The following RIMS1 variants were observed in gnomAD, a reference collection of about 807,000 sequenced individuals.
The protein encoded by RIMS1 is regulating synaptic membrane exocytosis 1.
Under a neutral mutation model 214.1 loss-of-function variants are expected in RIMS1, and 83 were observed. That is an observed-to-expected ratio of 0.39 (90% CI 0.32 to 0.47). The LOEUF (loss-of-function observed/expected upper bound fraction) is 0.47. Ranked by LOEUF, RIMS1 falls within the 20% of genes least tolerant of loss-of-function variation. The probability of loss-of-function intolerance (pLI) is 0.99; values close to 1 mark genes in which losing one functional copy is unlikely to be tolerated. For synonymous variants in RIMS1, 793 were observed against 786.8 expected, an observed-to-expected ratio of 1.01 and a Z score of -0.13; for missense variants, 2,050 against 2,161.8, an observed-to-expected ratio of 0.95 and a Z score of 1.03.
rs866352233 is a variant in RIMS1 at position 72,356,846 on chromosome 6, A to C, written c.4366+23011A>C. Among the ~76,000 whole-genome samples, 61 of 152,230 alleles carry C rather than the reference A, an allele frequency of 4.0e-4. 1 individual carries two copies. Among genetic ancestry groups the C allele is most frequent in the African/African-American group, 1.4e-3 (59 of 41,548 alleles). ...CATATACTAATGTTTACTATAAAAA[A>C]TTTTCCAAAATATTTTAGTATAAAA... On this transcript the variant is annotated intron_variant, in intron 29 of 33. Coordinates refer to ENST00000521978, the MANE Select transcript of RIMS1 (RefSeq NM_014989.7).
rs531552928 is a variant in RIMS1 at position 72,125,803 on chromosome 6, G to C, written c.471+25817G>C. Among the ~76,000 whole-genome samples the C allele has an allele frequency of 5.9e-5, 9 of 152,340 alleles. No individual in the cohort carries two copies. The East Asian group carries it at 1.3e-3, about 23-fold the overall frequency. On this transcript the variant is annotated intron_variant, in intron 4 of 33. Transcript: ENST00000521978. ...GTGGGACCCACCAAGCCAGGTGTGG[G>C]ATATAATCTCCTGGTGTGCTGTTTG... is the stretch of plus-strand genomic sequence containing the variant.
At chr6:72,019,847 A>G (rs1023465177) in intron 2 of RIMS1, among the ~76,000 whole-genome samples, 3 of 152,134 alleles carry the variant, frequency 2.0e-5, no homozygotes, top group Non-Finnish European at 4.4e-5. Context: ...CCACATAGGC[A>G]TGTGAATTTA....
Position 72,247,986 on chromosome 6 carries a change from A to G in RIMS1, c.2129-29A>G, listed in dbSNP as rs745531111. 2.8e-6 allele frequency: 4 copies of G among 1,406,998 alleles called. No individual in the cohort carries two copies. The South Asian group carries it at 3.5e-5, about 12-fold the overall frequency. The allele number at this position is 1,406,998 out of a possible 1,614,324, so 87.2% of individuals were successfully genotyped here. On this transcript the variant is annotated intron_variant, in intron 11 of 33. Coordinates refer to ENST00000521978, the MANE Select transcript of RIMS1 (RefSeq NM_014989.7). Reference sequence around the variant, plus strand: ...TTAAAAATATTTCCTACACTTACAAATATTACTTACTTTTTTTTCTCATTT... The same window carrying G: ...TTAAAAATATTTCCTACACTTACAAGTATTACTTACTTTTTTTTCTCATTT...
chr6:72,079,708 AC>A (rs1372159607), intron 2 of RIMS1, among the ~76,000 whole-genome samples: 2 of 151,988 alleles, frequency 1.3e-5, no homozygotes, highest in African/African-American at 4.8e-5. Flanking sequence ...ACATAGTGAG[AC>A]CCTGTATCTA....
Position 72,110,494 on chromosome 6 carries a change from C to T in RIMS1, c.471+10508C>T, listed in dbSNP as rs1301342364. 7.4e-5 allele frequency among the ~76,000 whole-genome samples: 11 copies of T among 149,496 alleles called. No homozygotes were observed. In the East Asian group the frequency reaches 1.9e-3, roughly 26 times the overall value. ...GAATGGGAGTTCACTCATGATTTGG[C>T]TCTCTGTTTGTCTGTTATTGGTGTA... On this transcript the variant is annotated intron_variant, in intron 4 of 33. Transcript: ENST00000521978.
intron 1 of RIMS1, among the ~76,000 whole-genome samples, chr6:71,936,527 A>C (rs935706868): frequency 3.3e-5 from 5 of 152,156 alleles, no homozygotes; most frequent in African/African-American, 9.7e-5. Flanking sequence ...TGTTTAGTTC[A>C]GTTCTTCCCT....
chr6:72,291,373 T>A (rs1174608453), intron 25 of RIMS1, among the ~76,000 whole-genome samples: 2 of 152,240 alleles, frequency 1.3e-5, no homozygotes, highest in Admixed American at 1.3e-4. Context: ...GTAATTTTAA[T>A]GCTAGCACCA....
At chr6:72,069,905 T>C (rs929096700) in intron 2 of RIMS1, among the ~76,000 whole-genome samples, 1 of 152,200 alleles carries the variant, frequency 6.6e-6, no homozygotes, top group Non-Finnish European at 1.5e-5. Context: ...TGGGATGAGA[T>C]AGAGGTGCAG....
intron 1 of RIMS1, among the ~76,000 whole-genome samples, chr6:71,942,629 T>G (rs1466821863): frequency 6.6e-6 from 1 of 152,110 alleles, no homozygotes; most frequent in Non-Finnish European, 1.5e-5. Context: ...CCTGGAGGGT[T>G]TTTTGTTTGT....
chr6:72,196,975 AT>A (rs1456110313), intron 6 of RIMS1, among the ~76,000 whole-genome samples: 6 of 152,014 alleles, frequency 3.9e-5, no homozygotes, highest in Non-Finnish European at 8.8e-5. Context: ...TCTTCTTACC[AT>A]TCCCCCTTCC....
At chr6:71,999,214 G>T (rs1363728542) in intron 2 of RIMS1, among the ~76,000 whole-genome samples, 2 of 151,894 alleles carry the variant, frequency 1.3e-5, no homozygotes, top group African/African-American at 4.8e-5. Flanking sequence ...CCAAATGTTG[G>T]TAATCTTGCT....
intron 2 of RIMS1, among the ~76,000 whole-genome samples, chr6:72,064,584 T>A (rs545925994): frequency 6.6e-6 from 1 of 152,304 alleles, no homozygotes; most frequent in African/African-American, 2.4e-5. Context: ...TGTGACAATG[T>A]GGTTCCAGCA....
At chr6:71,977,051 A>G (rs1308936758) in intron 2 of RIMS1, among the ~76,000 whole-genome samples, 10 of 152,160 alleles carry the variant, frequency 6.6e-5, no homozygotes, top group Non-Finnish European at 2.9e-5. Context: ...TCTGTGTCCT[A>G]CAATAGCGGA....
chr6:71,918,522 A>G (rs1432198093), intron 1 of RIMS1, among the ~76,000 whole-genome samples: 1 of 152,180 alleles, frequency 6.6e-6, no homozygotes, highest in Non-Finnish European at 1.5e-5. Context: ...GCAAAGATGG[A>G]CAATCCTTTT....
chr6:72,216,771 A>G (rs1433148965), intron 6 of RIMS1: 1 of 987,766 alleles, frequency 1.0e-6, no homozygotes, highest in Non-Finnish European at 1.2e-6. Context: ...TGTTAGCTTT[A>G]AGGACCACAA....
At position 72,097,153 on chromosome 6, in the gene RIMS1, G is replaced by A; in HGVS notation, c.450G>A (p.Arg150=). 1 of 1,613,632 alleles carries A rather than the reference G, an allele frequency of 6.2e-7. No homozygotes were observed. The highest frequency in any genetic ancestry group is 1.7e-5 in the Admixed American group (1 of 60,014). ...CARCGGRVSL[R]SNNEDKVVMW... ...GCTGCGGAGGCCGCGTGTCTCTACG[G>A]TCAAACAACGTGAGTATTCCATGAA... Residue 150 remains arginine, a synonymous_variant, in exon 3 of 34, where the codon CGG becomes CGA. Coordinates refer to ENST00000521978, the MANE Select transcript of RIMS1 (RefSeq NM_014989.7).
intron 22 of RIMS1, among the ~76,000 whole-genome samples, chr6:72,269,836 C>A (rs1390375040): frequency 1.3e-5 from 2 of 152,178 alleles, no homozygotes; most frequent in South Asian, 2.1e-4. Context: ...TTAAAATATT[C>A]TTCTTCCTTT....
chr6:72,290,893 G>A, intron 25 of RIMS1, 32 bp downstream of exon 25: 1 of 1,603,746 alleles, frequency 6.2e-7, no homozygotes, highest in Non-Finnish European at 8.5e-7. Context: ...CAGCATTCAT[G>A]TCCTGCCTCC....
chr6:72,381,098 C>T (rs1237893673), intron 29 of RIMS1, among the ~76,000 whole-genome samples: 1 of 152,150 alleles, frequency 6.6e-6, no homozygotes, highest in Non-Finnish European at 1.5e-5. Context: ...AGGTCAAAAG[C>T]TCATGATCGA....
Sources: allele counts gnomAD v4.1 joint callset (sites outside exome capture counted in the v4.1 genomes callset), GRCh38; gene constraint gnomAD v4.1.1; transcripts MANE v1.5; gene names NCBI Gene and HGNC (gene_info 2026-07-23, HGNC 2026-07-21).